The following MSANTD7 variants were observed in gnomAD, a reference collection of about 807,000 sequenced individuals.
MSANTD7 encodes the protein zinc finger and SCAN domain containing 29.
At chr10:14,840,344 T>C in the MSANTD7 span, among the ~76,000 whole-genome samples, 3 of 152,210 alleles carry the variant, frequency 2.0e-5, no homozygotes, top group Non-Finnish European at 2.9e-5. Flanking sequence ...TTCTCTGATA[T>C]GGGATTCACT....
At chr10:14,841,967 T>G in the MSANTD7 span, 4 of 436,210 alleles carry the variant, frequency 9.2e-6, no homozygotes, top group East Asian at 1.1e-4. Flanking sequence ...TACCAAGCCA[T>G]TAGGTTCTTG....
chr10:14,845,356 C>T, the MSANTD7 span: 52 of 985,176 alleles, frequency 5.3e-5, no homozygotes, highest in Admixed American at 1.5e-3. Context: ...TTCTATCTTG[C>T]AGGCTCGAGT....
the MSANTD7 span, chr10:14,845,595 ATTATT>A: frequency 1.1e-6 from 1 of 909,182 alleles, no homozygotes; most frequent in Admixed American, 6.3e-5. Context: ...TTCTATTATT[ATTATT>A]TTTTTTTTTT....
chr10:14,845,380 C>T, the MSANTD7 span: 2 of 985,058 alleles, frequency 2.0e-6, no homozygotes, highest in Non-Finnish European at 2.4e-6. Context: ...TAGCTAAATG[C>T]TGGAAATGGA....
chr10:14,840,285 C>T, the MSANTD7 span: 2 of 363,794 alleles, frequency 5.5e-6, no homozygotes, highest in African/African-American at 2.1e-5. Flanking sequence ...TGAGTCATTA[C>T]AGAGAGTACC....
chr10:14,845,598 A>ATT, the MSANTD7 span: 325 of 702,632 alleles, frequency 4.6e-4, no homozygotes, highest in Middle Eastern at 1.5e-3. Context: ...TATTATTATT[A>ATT]TTTTTTTTTT....
At chr10:14,846,542 G>A in the MSANTD7 span, 1 of 985,338 alleles carries the variant, frequency 1.0e-6, no homozygotes, top group African/African-American at 1.7e-5. Context: ...AGCAAGCCAG[G>A]AATCTGCCTA....
the MSANTD7 span, chr10:14,843,322 T>A: frequency 1.3e-6 from 2 of 1,546,662 alleles, no homozygotes; most frequent in African/African-American, 2.7e-5. Flanking sequence ...CTCCAAGCAT[T>A]CCCTTAGCAG....
the MSANTD7 span, among the ~76,000 whole-genome samples, chr10:14,840,859 TA>T: frequency 6.6e-6 from 1 of 152,326 alleles, no homozygotes; most frequent in African/African-American, 2.4e-5. Flanking sequence ...AACATCCTTG[TA>T]AAATTGGCAA....
At chr10:14,842,713 G>A in the MSANTD7 span, 3 of 1,536,478 alleles carry the variant, frequency 2.0e-6, no homozygotes, top group Non-Finnish European at 1.7e-6. The surrounding 1 kb of genome is among the most constrained non-coding windows in gnomAD (Gnocchi z 5.2). Context: ...AATCAAAAAG[G>A]ACTCAGGCAG....
At chr10:14,839,865 A>T in the MSANTD7 span, 1 of 1,466,328 alleles carries the variant, frequency 6.8e-7, no homozygotes, top group Non-Finnish European at 9.5e-7. Context: ...ACGTCTGAAT[A>T]CGTCTAATGA....
chr10:14,841,585 C>T, the MSANTD7 span, among the ~76,000 whole-genome samples: 1 of 152,180 alleles, frequency 6.6e-6, no homozygotes, highest in African/African-American at 2.4e-5. Flanking sequence ...GATCTCTCCC[C>T]TGGTAGCCAA....
chr10:14,844,945 AT>A, the MSANTD7 span: 7 of 985,450 alleles, frequency 7.1e-6, no homozygotes, highest in Non-Finnish European at 8.4e-6. Flanking sequence ...GCTTTCCAAG[AT>A]TCCTTTTCCT....
the MSANTD7 span, chr10:14,846,224 T>C: frequency 1.0e-6 from 1 of 975,536 alleles, no homozygotes; most frequent in South Asian, 4.7e-5. Flanking sequence ...GTGTCAATTA[T>C]AGGTAGGTAG....
chr10:14,845,612 G>A, the MSANTD7 span: 1 of 742,490 alleles, frequency 1.3e-6, no homozygotes, highest in Non-Finnish European at 1.6e-6. Flanking sequence ...TTTTTTTTTT[G>A]AGAAAAAGTC....
At chr10:14,844,074 G>A in the MSANTD7 span, 2 of 1,425,268 alleles carry the variant, frequency 1.4e-6, no homozygotes, top group Non-Finnish European at 1.8e-6. Flanking sequence ...CCAAATGGAA[G>A]ACCTTTCAGA....
chr10:14,844,024 T>C, the MSANTD7 span: 4 of 1,445,382 alleles, frequency 2.8e-6, no homozygotes, highest in East Asian at 2.5e-5. Flanking sequence ...ATCCAGATAG[T>C]ATGAAAATAA....
chr10:14,839,669 T>C, the MSANTD7 span, among the ~76,000 whole-genome samples: 2 of 152,196 alleles, frequency 1.3e-5, no homozygotes, highest in Non-Finnish European at 2.9e-5. Flanking sequence ...AAGGTTGTTA[T>C]TACTTTTGAT....
At chr10:14,843,638 C>T in the MSANTD7 span, 1 of 1,550,260 alleles carries the variant, frequency 6.5e-7, no homozygotes, top group South Asian at 1.2e-5. Flanking sequence ...CGGTCAGTGG[C>T]CAGGACTATC....
Sources: gnomAD v4.1 joint callset for allele counts (sites outside exome capture counted in the v4.1 genomes callset) on GRCh38, gnomAD v4.1.1 for gene constraint, Gnocchi (gnomAD v3.1) non-coding constraint, MANE v1.5 for transcripts, NCBI Gene and HGNC (gene_info 2026-07-23, HGNC 2026-07-21) for gene names.